Variants in FAM117B observed in about 807,000 individuals in gnomAD.
The protein encoded by FAM117B is family with sequence similarity 117 member B.
In FAM117B, 22 loss-of-function variants were observed where a neutral mutation model predicts 52.8. That is an observed-to-expected ratio of 0.42 (90% confidence interval 0.30 to 0.59). FAM117B has a LOEUF of 0.59. FAM117B is among the 20% of genes least tolerant of loss of function. The pLI, the probability that FAM117B is intolerant of heterozygous loss-of-function variation, is 0.22. For missense variants in FAM117B, 678 were observed against 802.6 expected (o/e 0.84, Z 1.88); for synonymous variants, 309 against 324.1 (o/e 0.95, Z 0.50).
At chr2:202,720,429 G>A (rs1691132807) in intron 2 of FAM117B, among the ~76,000 whole-genome samples, 1 of 80,360 alleles carries the variant, frequency 1.2e-5, no homozygotes, top group African/African-American at 4.6e-5. Flanking sequence ...GTGTGTGTGC[G>A]CTGCAATTTT....
Position 202,766,102 on chromosome 2 carries a change from A to ACACACC in FAM117B, c.*340_*345dup, listed in dbSNP as rs1553526376. On this transcript the variant is annotated 3_prime_UTR_variant, in exon 8 of 8. Transcript: ENST00000392238. The stretch of plus-strand genomic sequence containing the variant: ...CACACACACACACACACACACACAC[A>ACACACC]CACACCCCTGATCCTTGCCAACATG... The ACACACC allele has an allele frequency of 0.052, 10,043 of 191,490 alleles. 403 individuals are homozygous for ACACACC. Among genetic ancestry groups the ACACACC allele is most frequent in the Middle Eastern group, 0.073 (33 of 452 alleles). The allele number at this position is 191,490 out of a possible 1,614,324, so 11.9% of individuals were successfully genotyped here. A position where few individuals can be genotyped will look rare whatever the true frequency, so the allele number is the denominator to read the frequency against.
intron 1 of FAM117B, among the ~76,000 whole-genome samples, chr2:202,640,513 A>G (rs987349903): frequency 3.3e-5 from 5 of 151,360 alleles, no homozygotes; most frequent in South Asian, 2.1e-4. Context: ...TATTTGTGTC[A>G]TCTTTGATGT....
At chr2:202,637,837 A>C (rs1689711067) in intron 1 of FAM117B, among the ~76,000 whole-genome samples, 1 of 151,520 alleles carries the variant, frequency 6.6e-6, no homozygotes, top group African/African-American at 2.4e-5. Flanking sequence ...TGGGAAATAT[A>C]TAGCACACCA....
At chr2:202,665,542 A>ATCGTGGCAC (rs1690189192) in intron 1 of FAM117B, among the ~76,000 whole-genome samples, 1 of 152,224 alleles carries the variant, frequency 6.6e-6, no homozygotes, top group Non-Finnish European at 1.5e-5. Flanking sequence ...CACATGATGT[A>ATCGTGGCAC]ATCGTGGATG....
chr2:202,658,111 A>G (rs1052116495), intron 1 of FAM117B, among the ~76,000 whole-genome samples: 3 of 152,156 alleles, frequency 2.0e-5, no homozygotes, highest in Non-Finnish European at 4.4e-5. Flanking sequence ...AGTCATACCT[A>G]TTTTAATGAA....
Position 202,681,573 on chromosome 2 carries a change from T to C in FAM117B, c.602-14308T>C, listed in dbSNP as rs995589302. Among the ~76,000 whole-genome samples, 24 of 152,270 alleles carry C rather than the reference T, an allele frequency of 1.6e-4. No individual in the cohort carries two copies. The East Asian group carries it at 3.5e-3, about 22-fold the overall frequency. ...GGGACATTTCAAAATGACAAGGGGG[T>C]TAATTTATCAATTGTAAGAGTGTTT... On this transcript the variant is annotated intron_variant, in intron 1 of 7. Transcript: ENST00000392238.
Position 202,757,238 on chromosome 2 carries a change from G to A in FAM117B, c.1130G>A (p.Arg377His), listed in dbSNP as rs1247128464. The part of the protein sequence containing the change: ...LIPQDIPDGH[R>H]APPPLVQRSS... ...CCGCAAGATATTCCAGATGGCCATC[G>A]TGCTCCACCCCCCCTTGTACAGAGA... Residue 377 changes from arginine to histidine, a missense_variant, in exon 6 of 8, where the codon CGT (arginine) becomes CAT (histidine). By Grantham distance (29) the Arg-to-His change is conservative. Coordinates refer to ENST00000392238, the MANE Select transcript of FAM117B (RefSeq NM_173511.4). 8 of 1,613,642 alleles carry A rather than the reference G, an allele frequency of 5.0e-6. No homozygotes were observed. The highest frequency in any genetic ancestry group is 6.8e-6 in the Non-Finnish European group (8 of 1,179,922).
At chr2:202,749,786 A>G (rs762375736) in intron 4 of FAM117B, among the ~76,000 whole-genome samples, 1 of 152,056 alleles carries the variant, frequency 6.6e-6, no homozygotes, top group Non-Finnish European at 1.5e-5. Context: ...AAAATTATTT[A>G]AATAAAAAAA....
chr2:202,654,062 T>TGAGAGAGAGAGA (rs60490884), intron 1 of FAM117B, among the ~76,000 whole-genome samples: 79 of 134,756 alleles, frequency 5.9e-4, no homozygotes, highest in Non-Finnish European at 1.1e-3. Context: ...AGAGAGTGAG[T>TGAGAGAGAGAGA]GAGAGAGAGA....
intron 1 of FAM117B, among the ~76,000 whole-genome samples, chr2:202,676,446 C>T: frequency 6.7e-6 from 1 of 149,718 alleles, no homozygotes; most frequent in Non-Finnish European, 1.5e-5. Context: ...GTGGCGCTAT[C>T]TCAGCTCACC....
At position 202,737,075 on chromosome 2, in the gene FAM117B, A is replaced by G. The variant is rs1018274868; in HGVS notation, c.960+10712A>G. Reference sequence around the variant, plus strand: ...GAAAGGAGTCAAAAACAGCAACTCTAAAAGACAGGAAGCTGACTGGGCTAG... The same window carrying G: ...GAAAGGAGTCAAAAACAGCAACTCTGAAAGACAGGAAGCTGACTGGGCTAG... On this transcript the variant is annotated intron_variant, in intron 4 of 7. Coordinates refer to ENST00000392238, the MANE Select transcript of FAM117B (RefSeq NM_173511.4). Among the ~76,000 whole-genome samples, 4 of 152,156 alleles carry G rather than the reference A, an allele frequency of 2.6e-5. No homozygotes were observed. In the South Asian group the frequency reaches 6.2e-4, roughly 24 times the overall value.
At chr2:202,713,582 T>G (rs1281750429) in intron 2 of FAM117B, among the ~76,000 whole-genome samples, 1 of 152,182 alleles carries the variant, frequency 6.6e-6, no homozygotes, top group Admixed American at 6.5e-5. Context: ...CCTTTCTGGT[T>G]CTTTAAGATG....
At chr2:202,712,752 T>A (rs561922732) in intron 2 of FAM117B, among the ~76,000 whole-genome samples, 2 of 152,290 alleles carry the variant, frequency 1.3e-5, no homozygotes, top group East Asian at 3.9e-4. Context: ...AAGGTTTTTA[T>A]CATGAAGAGA....
At chr2:202,733,038 G>A (rs1691381652) in intron 4 of FAM117B, among the ~76,000 whole-genome samples, 1 of 152,044 alleles carries the variant, frequency 6.6e-6, no homozygotes, top group Non-Finnish European at 1.5e-5. Context: ...GCTAGTCTGA[G>A]AAATAAAGAG....
chr2:202,759,911 G>A (rs1317191756), intron 7 of FAM117B, among the ~76,000 whole-genome samples: 9 of 151,234 alleles, frequency 6.0e-5, no homozygotes, highest in Non-Finnish European at 1.3e-4. Flanking sequence ...GTGTTGTCCA[G>A]GCTGGTCCCA....
At chr2:202,711,156 A>G (rs1690951076) in intron 2 of FAM117B, among the ~76,000 whole-genome samples, 1 of 152,108 alleles carries the variant, frequency 6.6e-6, no homozygotes, top group African/African-American at 2.4e-5. Flanking sequence ...TAGTGGTAGT[A>G]CTAATTTACA....
chr2:202,744,785 C>T (rs1036640983), intron 4 of FAM117B, among the ~76,000 whole-genome samples: 1 of 151,624 alleles, frequency 6.6e-6, no homozygotes, highest in Admixed American at 6.6e-5. Context: ...ATCAGCCTGG[C>T]CAACATGGCA....
chr2:202,755,131 C>T (rs145170622), intron 4 of FAM117B, among the ~76,000 whole-genome samples: 1 of 151,994 alleles, frequency 6.6e-6, no homozygotes, highest in East Asian at 1.9e-4. Context: ...AGGGACTGTG[C>T]TAAACCATTC....
At chr2:202,698,205 T>A (rs1690743332) in intron 2 of FAM117B, among the ~76,000 whole-genome samples, 1 of 152,202 alleles carries the variant, frequency 6.6e-6, no homozygotes. Flanking sequence ...AACACTTTTC[T>A]GTGATGGTTT....
Sources: allele counts gnomAD v4.1 joint callset (sites outside exome capture counted in the v4.1 genomes callset), GRCh38; gene constraint gnomAD v4.1.1; transcripts MANE v1.5; gene names NCBI Gene and HGNC (gene_info 2026-07-23, HGNC 2026-07-21).